NSF: variants seen among roughly 807,000 people sequenced by gnomAD.
NSF encodes the protein N-ethylmaleimide sensitive factor, vesicle fusing ATPase.
NSF carries 14 observed loss-of-function variants against 50.3 expected under a neutral mutation model. The observed-to-expected ratio is 0.28, with a 90% confidence interval of 0.18 to 0.44. The LOEUF (loss-of-function observed/expected upper bound fraction) is 0.44, where lower values mean the gene tolerates loss of function less well. NSF is among the 20% of genes least tolerant of loss of function. The pLI, the probability that NSF is intolerant of heterozygous loss-of-function variation, is 1.00. For synonymous variants in NSF, 109 were observed against 175.7 expected (o/e 0.62, Z 3.00); for missense variants, 218 against 504.3 (o/e 0.43, Z 5.44).
intron 16 of NSF, among the ~76,000 whole-genome samples, chr17:46,727,420 A>G (rs993659239): frequency 9.2e-5 from 14 of 152,218 alleles, no homozygotes; most frequent in Non-Finnish European, 1.6e-4. Flanking sequence ...CTGGTGACTT[A>G]ATAACATCTG....
chr17:46,662,109 T>C (rs1287034556), intron 8 of NSF, among the ~76,000 whole-genome samples: 145 of 51,950 alleles, frequency 2.8e-3, no homozygotes, highest in Non-Finnish European at 3.2e-3. Flanking sequence ...TCCCAAAGTG[T>C]TGGGATTACA....
intron 9 of NSF, among the ~76,000 whole-genome samples, chr17:46,681,318 C>A (rs1349243586): frequency 1.6e-5 from 2 of 121,414 alleles, no homozygotes; most frequent in Non-Finnish European, 1.8e-5. Flanking sequence ...ATAGTGAGAC[C>A]CCACCTCTAC....
At chr17:46,748,252 C>T (rs149753509) in intron 17 of NSF, among the ~76,000 whole-genome samples, 159 of 152,184 alleles carry the variant, frequency 1.0e-3, no homozygotes, top group African/African-American at 3.5e-3. Flanking sequence ...GCTGGGATTA[C>T]AGGCACGTGT....
At chr17:46,741,994 T>C (rs564411732) in intron 17 of NSF, among the ~76,000 whole-genome samples, 2 of 152,326 alleles carry the variant, frequency 1.3e-5, no homozygotes, top group African/African-American at 2.4e-5. Context: ...GACCTCGTGA[T>C]CCACCCGCCT....
intron 16 of NSF, among the ~76,000 whole-genome samples, chr17:46,727,738 T>C (rs2058905519): frequency 6.6e-6 from 1 of 152,164 alleles, no homozygotes; most frequent in African/African-American, 2.4e-5. Context: ...TGTAAATTCC[T>C]TTATCTTAAC....
chr17:46,744,273 G>A (rs1194188648), intron 17 of NSF, among the ~76,000 whole-genome samples: 2 of 152,180 alleles, frequency 1.3e-5, no homozygotes, highest in Admixed American at 1.3e-4. Context: ...ATTGGCTAAT[G>A]TCTATTTCAT....
At chr17:46,726,720 G>A in intron 16 of NSF, 105 bp downstream of exon 16, 3 of 971,516 alleles carry the variant, frequency 3.1e-6, no homozygotes, top group Admixed American at 1.7e-5. Flanking sequence ...TAAAGCAATA[G>A]AAATACCTTT....
intron 17 of NSF, among the ~76,000 whole-genome samples, chr17:46,743,829 CTTTTTATATT>C (rs2059101492): frequency 6.6e-6 from 1 of 152,170 alleles, no homozygotes; most frequent in African/African-American, 2.4e-5. Context: ...TTTCCTGTTG[CTTTTTATATT>C]AAATATTTCC....
intron 19 of NSF, 37 bp downstream of exon 19, chr17:46,751,653 C>T (rs2059182856): frequency 2.9e-6 from 4 of 1,374,944 alleles, no homozygotes; most frequent in Non-Finnish European, 4.1e-6. Context: ...TCAGACAGAA[C>T]AAAGCTTCAG....
chr17:46,724,314 GTTTA>G (rs1423641720), intron 15 of NSF, among the ~76,000 whole-genome samples: 1 of 152,116 alleles, frequency 6.6e-6, no homozygotes, highest in East Asian at 1.9e-4. Flanking sequence ...ACACAACAAA[GTTTA>G]TTTTTTATTT....
At chr17:46,709,389 A>G (rs966807893) in intron 13 of NSF, among the ~76,000 whole-genome samples, 3 of 152,126 alleles carry the variant, frequency 2.0e-5, no homozygotes, top group African/African-American at 2.4e-5. Flanking sequence ...TACACGTTAT[A>G]TATCTTGGGA....
chr17:46,734,271 G>C (rs2058978670), intron 17 of NSF, among the ~76,000 whole-genome samples: 1 of 152,136 alleles, frequency 6.6e-6, no homozygotes, highest in African/African-American at 2.4e-5. Flanking sequence ...TCTGGCTAAT[G>C]ACTATGATAT....
intron 15 of NSF, chr17:46,721,994 T>C: frequency 3.1e-6 from 5 of 1,607,948 alleles, no homozygotes; most frequent in Non-Finnish European, 4.3e-6. Context: ...TATGATAGCT[T>C]TCCGACCACC....
intron 8 of NSF, among the ~76,000 whole-genome samples, chr17:46,665,953 C>T (rs986768569): frequency 2.2e-5 from 3 of 133,836 alleles, no homozygotes; most frequent in African/African-American, 5.3e-5. Context: ...GTTGATCTAG[C>T]GTTGCAAAAA....
In NSF at chr17:46,756,719, GACTT is replaced by G. The variant is rs1228773392; in HGVS notation, c.*902_*905del. On this transcript the variant is annotated 3_prime_UTR_variant, in exon 21 of 21. Coordinates refer to ENST00000398238, the MANE Select transcript of NSF (RefSeq NM_006178.4). ...ATCACTGCTTTTTCCTTAGCTTAATGACTTACTTAGAATTTATCCTTTATTTTAA... is the reference window on the plus strand; with the variant it reads ...ATCACTGCTTTTTCCTTAGCTTAATGACTTAGAATTTATCCTTTATTTTAA... 1.3e-5 allele frequency: 2 copies of G among 152,540 alleles called. No individual in the cohort carries two copies. The highest frequency in any genetic ancestry group is 2.4e-5 in the African/African-American group (1 of 41,408). The allele number at this position is 152,540 out of a possible 1,614,324, so 9.4% of individuals were successfully genotyped here.
chr17:46,736,824 G>C (rs964591312), intron 17 of NSF, among the ~76,000 whole-genome samples: 6 of 152,120 alleles, frequency 3.9e-5, no homozygotes, highest in Non-Finnish European at 1.5e-5. Context: ...GAAATATGCT[G>C]TGGGTTTTGG....
intron 17 of NSF, among the ~76,000 whole-genome samples, chr17:46,735,610 A>G (rs988022531): frequency 2.0e-5 from 3 of 152,132 alleles, no homozygotes; most frequent in Middle Eastern, 3.2e-3. Context: ...GTTGAGGGTC[A>G]GCTAAGATAA....
chr17:46,638,625 C>T (rs1305619477), intron 5 of NSF, among the ~76,000 whole-genome samples: 1 of 135,106 alleles, frequency 7.4e-6, no homozygotes, highest in Non-Finnish European at 1.5e-5. Context: ...GATCCATCCG[C>T]CTTGACCTCC....
intron 13 of NSF, among the ~76,000 whole-genome samples, chr17:46,707,342 C>G (rs1287314794): frequency 6.6e-6 from 1 of 152,122 alleles, no homozygotes; most frequent in African/African-American, 2.4e-5. Context: ...GATACAAGTT[C>G]TTTATATACT....
Sources: allele counts gnomAD v4.1 joint callset (sites outside exome capture counted in the v4.1 genomes callset), GRCh38; gene constraint gnomAD v4.1.1; transcripts MANE v1.5; gene names NCBI Gene and HGNC (gene_info 2026-07-23, HGNC 2026-07-21).